SLC18B1: variants seen among roughly 807,000 people sequenced by gnomAD.
SLC18B1 encodes solute carrier family 18 member B1.
In SLC18B1, 62 loss-of-function variants were observed where a neutral mutation model predicts 53.9. That is an observed-to-expected ratio of 1.15 (90% CI 0.94 to 1.42). The LOEUF is 1.42. Ranked by LOEUF, SLC18B1 falls within the 40% of genes most tolerant of loss-of-function variation. The pLI is 0.00. For missense variants in SLC18B1, 598 were observed against 547.3 expected, an observed-to-expected ratio of 1.09 and a Z score of -0.93; for synonymous variants, 217 against 200.9, an observed-to-expected ratio of 1.08 and a Z score of -0.68.
At chr6:132,780,565 G>GTTT (rs10537572) in intron 6 of SLC18B1, among the ~76,000 whole-genome samples, 34 of 75,882 alleles carry the variant, frequency 4.5e-4, no homozygotes, top group East Asian at 8.2e-4. Flanking sequence ...CGTGGTGTTA[G>GTTT]TTTTTTTTTT....
At position 132,770,212 on chromosome 6, in the gene SLC18B1, A is replaced by T; in HGVS notation, c.*58T>A. On this transcript the variant is annotated 3_prime_UTR_variant, in exon 14 of 14. Transcript: ENST00000275227. The stretch of plus-strand genomic sequence containing the variant: ...AATTTTAAAAACCCTTCCTACGGTG[A>T]TGTTTAAGGCCAGGAGCATTCATTT... The T allele has an allele frequency of 7.1e-7, 1 of 1,414,006 alleles. No homozygotes were observed. The highest frequency in any genetic ancestry group is 2.3e-5 in the East Asian group (1 of 43,892). The allele number at this position is 1,414,006 out of a possible 1,614,324, so 87.6% of individuals were successfully genotyped here. A position where few individuals can be genotyped will look rare whatever the true frequency, so the allele number is the denominator to read the frequency against.
At position 132,779,354 on chromosome 6, in the gene SLC18B1, C is replaced by T. The variant is rs1781172826; in HGVS notation, c.709G>A (p.Val237Ile). Residue 237 changes from valine to isoleucine, a missense_variant, in exon 7 of 14, where the codon GTT becomes ATT. Val to Ile is a conservative substitution (Grantham distance 29). Coordinates refer to ENST00000275227, the MANE Select transcript of SLC18B1 (RefSeq NM_052831.3). ...TTGATGACGAAGGCTATAAGGCCAACTTTGGGTAAAGCGATCAGTTTCCAG... is the reference window on the plus strand; with the variant it reads ...TTGATGACGAAGGCTATAAGGCCAATTTTGGGTAAAGCGATCAGTTTCCAG... ...SFWKLIALPK[V>I]GLIAFVINSL... 3 of 1,613,566 alleles carry T rather than the reference C, an allele frequency of 1.9e-6. No homozygotes were observed. Among genetic ancestry groups the T allele is most frequent in the Non-Finnish European group, 2.5e-6 (3 of 1,179,806 alleles).
At chr6:132,788,183 A>T (rs902651335) in intron 4 of SLC18B1, among the ~76,000 whole-genome samples, 1 of 151,704 alleles carries the variant, frequency 6.6e-6, no homozygotes, top group Non-Finnish European at 1.5e-5. Flanking sequence ...AAGAAAAAAA[A>T]AAAAAGAAAA....
At chr6:132,771,188 G>GTAGCTTTTCATGAAGT in intron 11 of SLC18B1, 59 bp from the exon 12 acceptor site, 1 of 1,445,376 alleles carries the variant, frequency 6.9e-7, no homozygotes, top group Non-Finnish European at 9.7e-7. Context: ...ATTACTTCAT[G>GTAGCTTTTCATGAAGT]AAAAGCTACA....
intron 8 of SLC18B1, among the ~76,000 whole-genome samples, chr6:132,774,674 C>G (rs1219519619): frequency 6.6e-6 from 1 of 152,016 alleles, no homozygotes; most frequent in East Asian, 1.9e-4. Flanking sequence ...TTTGAGAGGC[C>G]GAGGTGGGAA....
intron 7 of SLC18B1, among the ~76,000 whole-genome samples, chr6:132,778,997 GC>G (rs1781162376): frequency 6.6e-6 from 1 of 152,166 alleles, no homozygotes; most frequent in Non-Finnish European, 1.5e-5. Flanking sequence ...CACGGATGAT[GC>G]CCAAGCTAAA....
At chr6:132,777,254 G>T (rs917707183) in intron 7 of SLC18B1, among the ~76,000 whole-genome samples, 2 of 151,956 alleles carry the variant, frequency 1.3e-5, no homozygotes, top group Non-Finnish European at 1.5e-5. Context: ...AGCAAAAAAA[G>T]TTCTGATATA....
chr6:132,785,071 G>T (rs1781334399), intron 5 of SLC18B1, among the ~76,000 whole-genome samples: 1 of 151,534 alleles, frequency 6.6e-6, no homozygotes, highest in Admixed American at 6.6e-5. Context: ...AAGAAAAAAG[G>T]GGGAGGGAAA....
chr6:132,770,198 C>T lies in SLC18B1; in HGVS notation c.*72G>A. ...AGTTTTGCGCGTAAAATTTTAAAAA[C>T]CCTTCCTACGGTGATGTTTAAGGCC... On this transcript the variant is annotated 3_prime_UTR_variant, in exon 14 of 14. Coordinates refer to ENST00000275227, the MANE Select transcript of SLC18B1 (RefSeq NM_052831.3). The T allele has an allele frequency of 7.5e-7, 1 of 1,326,618 alleles. No homozygotes were observed. The highest frequency in any genetic ancestry group is 1.1e-6 in the Non-Finnish European group (1 of 933,950). The allele number at this position is 1,326,618 out of a possible 1,614,324, so 82.2% of individuals were successfully genotyped here.
At chr6:132,772,229 A>G (rs750242352) in intron 10 of SLC18B1, 23 bp from the exon 11 acceptor site, 1 of 1,459,746 alleles carries the variant, frequency 6.9e-7, no homozygotes, top group Non-Finnish European at 9.2e-7. Context: ...ACATGAGTGT[A>G]TCCATTATTA....
At chr6:132,792,237 A>AAG (rs1328834273) in intron 2 of SLC18B1, among the ~76,000 whole-genome samples, 1 of 4,668 alleles carries the variant, frequency 2.1e-4, no homozygotes, top group African/African-American at 1.3e-3. Flanking sequence ...GAAAGAAAGA[A>AAG]AGAAAGAAAG....
Position 132,787,495 on chromosome 6 carries a change from G to T in SLC18B1, c.440C>A (p.Ala147Glu). 2 of 1,608,944 alleles carry T rather than the reference G, an allele frequency of 1.2e-6. No homozygotes were observed. The highest frequency in any genetic ancestry group is 1.7e-6 in the Non-Finnish European group (2 of 1,178,030). Residue 147 changes from alanine (A) to glutamate (E), a missense_variant, in exon 5 of 14, where the codon GCA becomes GAA. Transcript: ENST00000275227. Reference protein sequence around the residue: ...RVMDAVSFAAAMTASSSILAK... With the variant: ...RVMDAVSFAAEMTASSSILAK... Reference sequence around the variant, plus strand: ...CAGGATAGAAGAAGATGCAGTCATTGCTGCAGCAAAGCTAACTGCATCCAT... The same window carrying T: ...CAGGATAGAAGAAGATGCAGTCATTTCTGCAGCAAAGCTAACTGCATCCAT...
chr6:132,779,789 G>A (rs937384168), intron 6 of SLC18B1, among the ~76,000 whole-genome samples: 1 of 152,162 alleles, frequency 6.6e-6, no homozygotes, highest in Non-Finnish European at 1.5e-5. Context: ...ATAAAGGAAA[G>A]AGGTTTAATA....
Position 132,771,146 on chromosome 6 carries a change from G to T in SLC18B1, c.1161-17C>A, listed in dbSNP as rs751693656. 2 of 1,604,050 alleles carry T rather than the reference G, an allele frequency of 1.2e-6. No homozygotes were observed. Among genetic ancestry groups the T allele is most frequent in the Admixed American group, 1.7e-5 (1 of 58,572 alleles). Reference sequence around the variant, plus strand: ...ATAAAAGCACTAACAATAGAAAGAAGAAAAAGTATTCAATAGTGCAAAAAA... The same window carrying T: ...ATAAAAGCACTAACAATAGAAAGAATAAAAAGTATTCAATAGTGCAAAAAA... On this transcript the variant is annotated splice_polypyrimidine_tract_variant and intron_variant, in intron 11 of 13. Transcript: ENST00000275227.
rs1244897620 is a variant in SLC18B1 at position 132,771,233 on chromosome 6, A to G, written c.1161-104T>C. 3 of 1,010,932 alleles carry G rather than the reference A, an allele frequency of 3.0e-6. No homozygotes were observed. In the African/African-American group the frequency reaches 4.8e-5, roughly 16 times the overall value. The allele number at this position is 1,010,932 out of a possible 1,614,324, so 62.6% of individuals were successfully genotyped here. On this transcript the variant is annotated intron_variant, in intron 11 of 13. Coordinates refer to ENST00000275227, the MANE Select transcript of SLC18B1 (RefSeq NM_052831.3). Reference sequence around the variant, plus strand: ...AATTGTAAGTCTTCATTACATTGGAAGATAAGTACTAAAGATAAAGCTAAT... The same window carrying G: ...AATTGTAAGTCTTCATTACATTGGAGGATAAGTACTAAAGATAAAGCTAAT...
chr6:132,779,882 G>T (rs1182324027), intron 6 of SLC18B1, among the ~76,000 whole-genome samples: 2 of 152,172 alleles, frequency 1.3e-5, no homozygotes, highest in Admixed American at 1.3e-4. Context: ...TTACATGGCT[G>T]CAGGCAAGAG....
chr6:132,772,209 G>A lies in SLC18B1; in HGVS notation c.1086-3C>T, dbSNP rs756801904. On this transcript the variant is annotated splice_region_variant and splice_polypyrimidine_tract_variant and intron_variant, in intron 10 of 13. Coordinates refer to ENST00000275227, the MANE Select transcript of SLC18B1 (RefSeq NM_052831.3). Reference sequence around the variant, plus strand: ...ATCCCTCTTCAAACCCATTTTCACTGCAAAAAGAGACATGAGTGTATCCAT... The same window carrying A: ...ATCCCTCTTCAAACCCATTTTCACTACAAAAAGAGACATGAGTGTATCCAT... 3 of 1,551,198 alleles carry A rather than the reference G, an allele frequency of 1.9e-6. No homozygotes were observed. The highest frequency in any genetic ancestry group is 2.2e-5 in the Admixed American group (1 of 46,454).
At position 132,775,682 on chromosome 6, in the gene SLC18B1, GT is replaced by G. The variant is rs531569896; in HGVS notation, c.897+645del. Among the ~76,000 whole-genome samples the G allele has an allele frequency of 3.1e-3, 467 of 152,072 alleles. 5 individuals are homozygous for G. The highest frequency in any genetic ancestry group is 0.011 in the African/African-American group (439 of 41,500). ...AACCTGGTTGAAAGAGAACAGAAGG[GT>G]TTTTTTTGTTTTGTTTTGTTTTGCT... On this transcript the variant is annotated intron_variant, in intron 8 of 13. Coordinates refer to ENST00000275227, the MANE Select transcript of SLC18B1 (RefSeq NM_052831.3).
intron 13 of SLC18B1, among the ~76,000 whole-genome samples, 165 bp downstream of exon 13, chr6:132,770,725 G>A (rs967955241): frequency 4.6e-5 from 7 of 152,130 alleles, no homozygotes; most frequent in African/African-American, 1.7e-4. Flanking sequence ...GACAGAGCAA[G>A]ACACCATCTC....
Sources: allele counts gnomAD v4.1 joint callset (sites outside exome capture counted in the v4.1 genomes callset), GRCh38; gene constraint gnomAD v4.1.1; transcripts MANE v1.5; gene names NCBI Gene and HGNC (gene_info 2026-07-23, HGNC 2026-07-21).